Variants in IL1RAPL1 observed in about 807,000 individuals in gnomAD.
IL1RAPL1 encodes interleukin 1 receptor accessory protein like 1, also known as interleukin-1 receptor accessory protein-like 1.
Under a neutral mutation model 48.4 loss-of-function variants are expected in IL1RAPL1, and 3 were observed. That is an observed-to-expected ratio of 0.06 (90% CI 0.03 to 0.16). The LOEUF is 0.16. Ranked by LOEUF, IL1RAPL1 falls within the 10% of genes least tolerant of loss-of-function variation. IL1RAPL1 has a pLI of 1.00. For synonymous variants in IL1RAPL1, 185 were observed against 187.7 expected (o/e 0.99, Z 0.12); for missense variants, 349 against 530.6 (o/e 0.66, Z 3.36).
intron 5 of IL1RAPL1, among the ~76,000 whole-genome samples, chrX:29,653,547 A>C (rs1302152607): frequency 9.0e-6 from 1 of 111,582 alleles, no homozygotes; most frequent in Non-Finnish European, 1.9e-5. Context: ...AGCAAGTATT[A>C]TTTAAAGGGT....
chrX:29,874,793 G>A (rs1931869360), intron 6 of IL1RAPL1, among the ~76,000 whole-genome samples: 1 of 112,181 alleles, frequency 8.9e-6, no homozygotes, highest in Non-Finnish European at 1.9e-5. Flanking sequence ...GCTTCCTGCA[G>A]CATCAACAGT....
rs911067367 is a variant in IL1RAPL1 at position 29,772,631 on chromosome X, G to A, written c.778+104127G>A. Among the ~76,000 whole-genome samples the A allele has an allele frequency of 3.6e-5, 4 of 111,662 alleles. No individual in the cohort carries two copies. In the South Asian group the frequency reaches 1.1e-3, roughly 32 times the overall value. On this transcript the variant is annotated intron_variant, in intron 6 of 10. Transcript: ENST00000378993. Reference sequence around the variant, plus strand: ...TATTGCTTTATTTATTTTAATTCACGTTTAGATTTGCATTATATTTTGTAC... The same window carrying A: ...TATTGCTTTATTTATTTTAATTCACATTTAGATTTGCATTATATTTTGTAC...
At chrX:29,499,868 A>C (rs1935253771) in intron 5 of IL1RAPL1, among the ~76,000 whole-genome samples, 1 of 112,243 alleles carries the variant, frequency 8.9e-6, no homozygotes, top group Non-Finnish European at 1.9e-5. Flanking sequence ...ATAATTTAAT[A>C]TATTCATATA....
chrX:28,638,705 G>A (rs190071561), intron 1 of IL1RAPL1, among the ~76,000 whole-genome samples: 152 of 109,285 alleles, frequency 1.4e-3, no homozygotes, highest in African/African-American at 4.8e-3. Context: ...GTATTTAAGC[G>A]TAGGGATGAT....
At chrX:29,588,414 A>AAGCT (rs1923256497) in intron 5 of IL1RAPL1, among the ~76,000 whole-genome samples, 1 of 112,284 alleles carries the variant, frequency 8.9e-6, no homozygotes, top group Non-Finnish European at 1.9e-5. Context: ...AAATTGATAG[A>AAGCT]AGCTATGAGT....
intron 2 of IL1RAPL1, among the ~76,000 whole-genome samples, chrX:28,851,313 T>C (rs903219366): frequency 2.2e-4 from 24 of 110,499 alleles, no homozygotes; most frequent in African/African-American, 7.3e-4. Context: ...TGCACACATA[T>C]TTTGCAAAAA....
chrX:28,826,241 A>G (rs941633812), intron 2 of IL1RAPL1, among the ~76,000 whole-genome samples: 3 of 111,573 alleles, frequency 2.7e-5, no homozygotes, highest in African/African-American at 9.7e-5. Context: ...ATTACTTGGA[A>G]ATGTGAGACA....
At position 28,815,873 on chromosome X, in the gene IL1RAPL1, A is replaced by G. The variant is rs1185158283; in HGVS notation, c.82+26448A>G. ...TATATATATATATATATATATATAT[A>G]TATATATATATAATTTTTTTCTTAA... On this transcript the variant is annotated intron_variant, in intron 2 of 10. Coordinates refer to ENST00000378993, the MANE Select transcript of IL1RAPL1 (RefSeq NM_014271.4). 3.8e-5 allele frequency among the ~76,000 whole-genome samples: 3 copies of G among 78,982 alleles called. 1 individual carries two copies. Among genetic ancestry groups the G allele is most frequent in the African/African-American group, 1.3e-4 (3 of 22,916 alleles). The allele number at this position is 78,982 out of a possible 115,157, so 68.6% of individuals were successfully genotyped here.
At chrX:29,212,282 T>C (rs1001260037) in intron 2 of IL1RAPL1, among the ~76,000 whole-genome samples, 3 of 110,855 alleles carry the variant, frequency 2.7e-5, no homozygotes, top group Non-Finnish European at 1.9e-5. Flanking sequence ...GACCATGCAG[T>C]TGAAAATTCA....
At chrX:29,282,292 G>C (rs933607195) in intron 2 of IL1RAPL1, among the ~76,000 whole-genome samples, 2 of 112,279 alleles carry the variant, frequency 1.8e-5, no homozygotes, top group Non-Finnish European at 3.8e-5. Flanking sequence ...GCAGAGATCC[G>C]CACTTTATTG....
chrX:29,562,329 CAT>C (rs1922264192), intron 5 of IL1RAPL1, among the ~76,000 whole-genome samples: 1 of 110,157 alleles, frequency 9.1e-6, no homozygotes, highest in South Asian at 3.9e-4. Context: ...TAAAAGGAGT[CAT>C]AGACCATCAC....
At chrX:29,076,802 G>GTCTGTCTGTCTGTCTA (rs568595100) in intron 2 of IL1RAPL1, among the ~76,000 whole-genome samples, 3 of 97,246 alleles carry the variant, frequency 3.1e-5, no homozygotes, top group African/African-American at 1.1e-4. Flanking sequence ...CTGTCTGTCT[G>GTCTGTCTGTCTGTCTA]TCTATCTATC....
chrX:29,020,793 G>A (rs1231503775), intron 2 of IL1RAPL1, among the ~76,000 whole-genome samples: 2 of 111,965 alleles, frequency 1.8e-5, no homozygotes, highest in African/African-American at 3.3e-5. Flanking sequence ...CGCATATAAA[G>A]TCATTCTTCT....
intron 2 of IL1RAPL1, among the ~76,000 whole-genome samples, chrX:28,812,614 A>G (rs1412540668): frequency 9.0e-6 from 1 of 111,370 alleles, no homozygotes; most frequent in Non-Finnish European, 1.9e-5. Flanking sequence ...AAAAGGTAGA[A>G]GTGCCTGCTC....
intron 6 of IL1RAPL1, among the ~76,000 whole-genome samples, chrX:29,879,647 T>TG (rs1931986250): frequency 9.1e-6 from 1 of 110,114 alleles, no homozygotes; most frequent in Non-Finnish European, 1.9e-5. Context: ...CTTTTGTCTT[T>TG]GGAAAAAAAA....
intron 5 of IL1RAPL1, among the ~76,000 whole-genome samples, chrX:29,429,030 C>T (rs1934383686): frequency 8.9e-6 from 1 of 112,313 alleles, no homozygotes; most frequent in Non-Finnish European, 1.9e-5. Context: ...TAATTTATAA[C>T]TCCAAGGCGA....
intron 2 of IL1RAPL1, among the ~76,000 whole-genome samples, chrX:28,957,654 GT>G (rs201727744): frequency 1.5e-3 from 159 of 107,551 alleles, no homozygotes; most frequent in African/African-American, 5.1e-3. Flanking sequence ...ACGGGATTTA[GT>G]TTTTTTTTAA....
intron 1 of IL1RAPL1, among the ~76,000 whole-genome samples, chrX:28,753,473 C>T (rs766629824): frequency 9.8e-5 from 11 of 112,093 alleles, no homozygotes; most frequent in Admixed American, 5.7e-4. Context: ...GAATAGGTTC[C>T]GAATCTTCCT....
At chrX:29,569,473 T>C (rs931336190) in intron 5 of IL1RAPL1, among the ~76,000 whole-genome samples, 1 of 111,160 alleles carries the variant, frequency 9.0e-6, no homozygotes, top group Non-Finnish European at 1.9e-5. Flanking sequence ...ATTTTTTGAG[T>C]GTTCGTTTAA....
Sources: allele counts gnomAD v4.1 joint callset (sites outside exome capture counted in the v4.1 genomes callset), GRCh38; gene constraint gnomAD v4.1.1; transcripts MANE v1.5; gene names NCBI Gene and HGNC (gene_info 2026-07-23, HGNC 2026-07-21).